Variants in FAM228B observed in about 807,000 individuals in gnomAD.
FAM228B encodes protein FAM228B.
A neutral mutation model predicts 42.6 loss-of-function variants in FAM228B; 38 were observed. That is an observed-to-expected ratio of 0.89 (90% confidence interval 0.69 to 1.17). FAM228B has a LOEUF of 1.17. Among genes scored for constraint, FAM228B ranks in the 50% most tolerant of loss-of-function variants. FAM228B has a pLI of 0.00. For missense variants in FAM228B, 344 were observed against 367.3 expected (o/e 0.94, Z 0.52); for synonymous variants, 109 against 122.3 (o/e 0.89, Z 0.72).
At chr2:24,085,804 A>T (rs1225143634) in intron 2 of FAM228B, 2 of 152,222 alleles carry the variant, frequency 1.3e-5, no homozygotes, top group Non-Finnish European at 2.9e-5. Flanking sequence ...GGTGCTAAAT[A>T]AAGTCTTCCT....
upstream of FAM228B, chr2:24,122,533 C>T (rs1408480623): frequency 1.2e-6 from 2 of 1,606,374 alleles, no homozygotes; most frequent in Non-Finnish European, 1.7e-6. Flanking sequence ...GCAAATGGCT[C>T]ATGTTCCCTC....
intron 3 of FAM228B, among the ~76,000 whole-genome samples, chr2:24,113,595 G>C (rs1340479450): frequency 6.6e-6 from 1 of 152,030 alleles, no homozygotes; most frequent in African/African-American, 2.4e-5. Flanking sequence ...ACAAAAAACA[G>C]GCCGGGCACA....
intron 8 of FAM228B, among the ~76,000 whole-genome samples, chr2:24,163,056 TTA>T (rs1369629688): frequency 6.6e-6 from 1 of 152,118 alleles, no homozygotes; most frequent in African/African-American, 2.4e-5. Context: ...TGGGTGAATT[TTA>T]TGTCATATAA....
intron 10 of FAM228B, among the ~76,000 whole-genome samples, chr2:24,168,435 A>T (rs886972938): frequency 8.5e-5 from 13 of 152,378 alleles, no homozygotes; most frequent in African/African-American, 3.1e-4. Context: ...AAAAGAGGGC[A>T]TGCCCAGCCA....
intron 2 of FAM228B, chr2:24,085,845 T>G (rs1363536474): frequency 6.6e-6 from 1 of 152,210 alleles, no homozygotes; most frequent in Non-Finnish European, 1.5e-5. Context: ...CATTGAATAA[T>G]TATTTCTTTA....
intron 9 of FAM228B, among the ~76,000 whole-genome samples, chr2:24,166,233 C>T (rs1020910259): frequency 4.6e-5 from 7 of 151,758 alleles, no homozygotes; most frequent in Non-Finnish European, 8.8e-5. Context: ...CTCCAGTTCT[C>T]TTGTCCAGAG....
At chr2:24,138,802 C>G (rs1666667520) in intron 4 of FAM228B, among the ~76,000 whole-genome samples, 1 of 151,480 alleles carries the variant, frequency 6.6e-6, no homozygotes, top group African/African-American at 2.4e-5. Context: ...CAAAATTAGC[C>G]AGGCATGGTG....
chr2:24,139,259 C>T (rs1040939653), intron 4 of FAM228B, 111 bp from the exon 5 acceptor site: 8 of 478,488 alleles, frequency 1.7e-5, no homozygotes, highest in Non-Finnish European at 2.6e-5. Flanking sequence ...GTCACTGATG[C>T]TGCTTTCAAG....
At chr2:24,115,515 A>T in intron 3 of FAM228B, 2 of 1,414,450 alleles carry the variant, frequency 1.4e-6, no homozygotes, top group Non-Finnish European at 2.0e-6. Flanking sequence ...ACCATAAAAT[A>T]TTTTTTCTTT....
chr2:24,125,231 A>G (rs576483300), intron 2 of FAM228B, among the ~76,000 whole-genome samples: 1 of 152,174 alleles, frequency 6.6e-6, no homozygotes, highest in East Asian at 1.9e-4. Context: ...CGAACGAACA[A>G]TAATAGCCAG....
chr2:24,142,874 T>C (rs1471033675), intron 5 of FAM228B: 1 of 152,232 alleles, frequency 6.6e-6, no homozygotes, highest in Non-Finnish European at 1.5e-5. Flanking sequence ...ATGTGATTCT[T>C]TGATATTCAG....
intron 1 of FAM228B, chr2:24,079,496 A>T (rs1247999061): frequency 1.9e-6 from 3 of 1,614,088 alleles, no homozygotes; most frequent in East Asian, 4.5e-5. Context: ...TCGCTTAAAA[A>T]GTAGCTTTGA....
chr2:24,125,353 C>T (rs1444053499), intron 2 of FAM228B, among the ~76,000 whole-genome samples: 2 of 152,154 alleles, frequency 1.3e-5, no homozygotes, highest in Non-Finnish European at 2.9e-5. Context: ...ACTGCATCCC[C>T]ACCTGGGTGA....
Position 24,084,513 on chromosome 2 carries a change from C to G in FAM228B, c.-210+3558C>G. ...CTCGCTGCCCTGGTCTGCCGCGGACCCGGCCTCCGCCCCGAGCTCCTGCCT... is the reference window on the plus strand; with the variant it reads ...CTCGCTGCCCTGGTCTGCCGCGGACGCGGCCTCCGCCCCGAGCTCCTGCCT... On this transcript the variant is annotated intron_variant, in intron 2 of 10. Transcript: ENST00000613899. This position sits in a 1 kb window ranked among gnomAD's most constrained non-coding sequence, Gnocchi z 8.4. 1 of 759,858 alleles carries G rather than the reference C, an allele frequency of 1.3e-6. No homozygotes were observed. Among genetic ancestry groups the G allele is most frequent in the South Asian group, 2.4e-5 (1 of 42,518 alleles). The allele number at this position is 759,858 out of a possible 1,614,324, so 47.1% of individuals were successfully genotyped here. A position where few individuals can be genotyped will look rare whatever the true frequency, so the allele number is the denominator to read the frequency against.
At chr2:24,140,861 C>G (rs1666725085) in intron 5 of FAM228B, among the ~76,000 whole-genome samples, 2 of 151,208 alleles carry the variant, frequency 1.3e-5, no homozygotes, top group Admixed American at 6.6e-5. Context: ...ACTCAGGAGG[C>G]TGAGGCAGGA....
At chr2:24,129,411 A>G (rs1666398656) in intron 2 of FAM228B, among the ~76,000 whole-genome samples, 2 of 151,528 alleles carry the variant, frequency 1.3e-5, no homozygotes, top group African/African-American at 4.8e-5. Context: ...ATTTTTTCAA[A>G]CAGTTGTTTC....
intron 3 of FAM228B, among the ~76,000 whole-genome samples, chr2:24,118,344 A>G (rs896486968): frequency 2.6e-5 from 4 of 152,248 alleles, no homozygotes; most frequent in African/African-American, 9.6e-5. Context: ...GTACATAGGT[A>G]TATAGTTTCT....
chr2:24,143,709 T>C (rs557665482), intron 5 of FAM228B, among the ~76,000 whole-genome samples: 1 of 152,178 alleles, frequency 6.6e-6, no homozygotes, highest in African/African-American at 2.4e-5. Context: ...TAGAAAGATA[T>C]GTTAAACATA....
Position 24,084,359 on chromosome 2 carries a change from GACA to G in FAM228B, c.-210+3405_-210+3407del. 5 of 1,367,232 alleles carry G rather than the reference GACA, an allele frequency of 3.7e-6. No homozygotes were observed. The highest frequency in any genetic ancestry group is 4.0e-6 in the Non-Finnish European group (4 of 1,004,598). The allele number at this position is 1,367,232 out of a possible 1,614,324, so 84.7% of individuals were successfully genotyped here. On this transcript the variant is annotated intron_variant, in intron 2 of 10. Transcript: ENST00000613899. The surrounding 1 kb of genome is among the most constrained non-coding windows in gnomAD (Gnocchi z 8.4). ...GAGGACACAGGGCAGGGCAGGGCAG[GACA>G]GGACAGGGCAGGGCAGGGCAGGACA...
Sources: gnomAD v4.1 joint callset for allele counts (sites outside exome capture counted in the v4.1 genomes callset) on GRCh38, gnomAD v4.1.1 for gene constraint, Gnocchi (gnomAD v3.1) non-coding constraint, MANE v1.5 for transcripts, NCBI Gene and HGNC (gene_info 2026-07-23, HGNC 2026-07-21) for gene names.